TMEM178B: variants seen among roughly 807,000 people sequenced by gnomAD.
The protein encoded by TMEM178B is transmembrane protein 178B.
In TMEM178B, 5 loss-of-function variants were observed where a neutral mutation model predicts 31.0. The observed-to-expected ratio is 0.16, with a 90% CI of 0.08 to 0.34. The LOEUF (loss-of-function observed/expected upper bound fraction) is 0.34. Among genes scored for constraint, TMEM178B ranks in the 10% least tolerant of loss-of-function variants. The pLI is 1.00. For synonymous variants in TMEM178B, 164 were observed against 164.0 expected, an observed-to-expected ratio of 1.00 and a Z score of 0.00; for missense variants, 275 against 400.3, an observed-to-expected ratio of 0.69 and a Z score of 2.67.
At chr7:141,337,008 C>T (rs1799415534) in intron 2 of TMEM178B, among the ~76,000 whole-genome samples, 1 of 91,784 alleles carries the variant, frequency 1.1e-5, no homozygotes, top group Non-Finnish European at 2.1e-5. Context: ...ATCATCACCA[C>T]CACCACCATC....
intron 3 of TMEM178B, among the ~76,000 whole-genome samples, chr7:141,441,334 G>A (rs1801652813): frequency 2.0e-5 from 3 of 152,210 alleles, no homozygotes; most frequent in African/African-American, 7.2e-5. Context: ...ATCTTTAGGG[G>A]TTGGCCTGTT....
intron 2 of TMEM178B, among the ~76,000 whole-genome samples, chr7:141,338,256 T>C (rs967568219): frequency 6.6e-6 from 1 of 152,252 alleles, no homozygotes; most frequent in African/African-American, 2.4e-5. Context: ...AAAGCCTTTA[T>C]TAATAAGTCT....
chr7:141,437,512 G>A (rs1801568133), intron 2 of TMEM178B, 96 bp from the exon 3 acceptor site: 2 of 1,469,612 alleles, frequency 1.4e-6, no homozygotes, highest in Non-Finnish European at 1.8e-6. Flanking sequence ...CTCCTGGAGG[G>A]CCACTCCCTC....
At position 141,430,516 on chromosome 7, in the gene TMEM178B, G is replaced by A. The variant is rs145295826; in HGVS notation, c.497-7092G>A. ...CACATGTGGAAACAGACCCAGAGAC[G>A]GGGACTAATTGGCTTGAGTTCCCAG... is the stretch of plus-strand genomic sequence containing the variant. On this transcript the variant is annotated intron_variant, in intron 2 of 3. Transcript: ENST00000565468. 1.7e-3 allele frequency among the ~76,000 whole-genome samples: 260 copies of A among 152,254 alleles called. 1 individual carries two copies. Among genetic ancestry groups the A allele is most frequent in the African/African-American group, 6.1e-3 (252 of 41,542 alleles).
At chr7:141,507,513 C>T in the TMEM178B span, among the ~76,000 whole-genome samples, 3 of 152,212 alleles carry the variant, frequency 2.0e-5, no homozygotes, top group Non-Finnish European at 4.4e-5. Context: ...ACTGGGATTA[C>T]AGGTGTGCAT....
chr7:141,275,445 C>T (rs772856176), intron 2 of TMEM178B, among the ~76,000 whole-genome samples: 23 of 152,188 alleles, frequency 1.5e-4, no homozygotes, highest in Non-Finnish European at 1.8e-4. Context: ...ACACCCCACT[C>T]GTCTGCAGGA....
chr7:141,464,270 T>C (rs1253137570), intron 3 of TMEM178B, among the ~76,000 whole-genome samples: 1 of 152,160 alleles, frequency 6.6e-6, no homozygotes, highest in Non-Finnish European at 1.5e-5. Context: ...CTCCCCGACC[T>C]AGCATTGTCA....
intron 2 of TMEM178B, among the ~76,000 whole-genome samples, chr7:141,336,481 T>C (rs1563155017): frequency 6.6e-6 from 1 of 152,104 alleles, no homozygotes; most frequent in Non-Finnish European, 1.5e-5. Context: ...ACTTCACTAC[T>C]GTAGGTCTCT....
chr7:141,124,994 TG>T (rs1795467171), intron 1 of TMEM178B, among the ~76,000 whole-genome samples: 2 of 152,210 alleles, frequency 1.3e-5, no homozygotes, highest in Non-Finnish European at 2.9e-5. Context: ...CTATCCTTTT[TG>T]TACTTTGGTT....
the TMEM178B span, among the ~76,000 whole-genome samples, chr7:141,495,287 C>T: frequency 6.6e-6 from 1 of 152,148 alleles, no homozygotes; most frequent in East Asian, 1.9e-4. Context: ...AAAAATATGC[C>T]CAGATTCTGA....
At chr7:141,141,260 C>T (rs966381305) in intron 1 of TMEM178B, among the ~76,000 whole-genome samples, 6 of 151,898 alleles carry the variant, frequency 4.0e-5, no homozygotes, top group Non-Finnish European at 7.4e-5. Context: ...ATGGTTCCTG[C>T]GTTTCTTTGA....
chr7:141,396,498 G>C lies in TMEM178B; in HGVS notation c.497-41110G>C, dbSNP rs1024498096. On this transcript the variant is annotated intron_variant, in intron 2 of 3. Coordinates refer to ENST00000565468, the MANE Select transcript of TMEM178B (RefSeq NM_001195278.2). ...CAGAATGACCTTCAGGGCTCAACGG[G>C]TCTGGGCCTCTCATACTGCAGAGTG... Among the ~76,000 whole-genome samples, 7 of 151,452 alleles carry C rather than the reference G, an allele frequency of 4.6e-5. No individual in the cohort carries two copies. The East Asian group carries it at 1.4e-3, about 29-fold the overall frequency.
intron 2 of TMEM178B, among the ~76,000 whole-genome samples, chr7:141,270,779 A>G (rs557968837): frequency 7.2e-5 from 11 of 152,340 alleles, no homozygotes; most frequent in Admixed American, 2.6e-4. Context: ...CGATGTCGTT[A>G]TCTCTCTAGT....
At chr7:141,436,758 A>G (rs950117383) in intron 2 of TMEM178B, among the ~76,000 whole-genome samples, 2 of 152,084 alleles carry the variant, frequency 1.3e-5, no homozygotes, top group Non-Finnish European at 2.9e-5. Context: ...TGAGTGGCCA[A>G]CTGAGCCATG....
intron 1 of TMEM178B, among the ~76,000 whole-genome samples, chr7:141,151,880 C>G (rs1310354804): frequency 6.6e-6 from 1 of 152,332 alleles, no homozygotes; most frequent in South Asian, 2.1e-4. Context: ...TCTGGCCACA[C>G]TGTGTCCTGT....
intron 2 of TMEM178B, among the ~76,000 whole-genome samples, chr7:141,252,006 G>A (rs868224599): frequency 6.6e-6 from 1 of 152,082 alleles, no homozygotes; most frequent in Non-Finnish European, 1.5e-5. Flanking sequence ...TTTGCTTAAG[G>A]CTTAAAAAGT....
intron 2 of TMEM178B, among the ~76,000 whole-genome samples, chr7:141,273,803 C>T (rs1272033912): frequency 3.3e-5 from 5 of 152,224 alleles, no homozygotes; most frequent in Non-Finnish European, 5.9e-5. Context: ...TACAGTACCA[C>T]TTTTGGTCCT....
chr7:141,330,490 G>A (rs996337665), intron 2 of TMEM178B, among the ~76,000 whole-genome samples: 9 of 152,186 alleles, frequency 5.9e-5, no homozygotes, highest in Non-Finnish European at 1.3e-4. Flanking sequence ...ATTCCATGGT[G>A]TATATGTAGC....
At chr7:141,336,988 CACTACCATCAT>C in intron 2 of TMEM178B, among the ~76,000 whole-genome samples, 1 of 97,972 alleles carries the variant, frequency 1.0e-5, no homozygotes, top group Non-Finnish European at 2.0e-5. Context: ...CCACCCCCAT[CACTACCATCAT>C]CATCACCACC....
Sources: allele counts gnomAD v4.1 joint callset (sites outside exome capture counted in the v4.1 genomes callset), GRCh38; gene constraint gnomAD v4.1.1; transcripts MANE v1.5; gene names NCBI Gene and HGNC (gene_info 2026-07-23, HGNC 2026-07-21).